Variants in CYP46A1 observed in about 807,000 individuals in gnomAD.
CYP46A1 encodes the protein cytochrome P450 family 46 subfamily A member 1.
A neutral mutation model predicts 63.3 loss-of-function variants in CYP46A1; 20 were observed. The observed-to-expected ratio is 0.32, with a 90% CI of 0.22 to 0.46. The LOEUF is 0.46. CYP46A1 is among the 20% of genes least tolerant of loss of function. The pLI is 1.00. For missense variants in CYP46A1, 445 were observed against 670.8 expected, an observed-to-expected ratio of 0.66 and a Z score of 3.72; for synonymous variants, 268 against 273.6, an observed-to-expected ratio of 0.98 and a Z score of 0.20.
Position 99,703,912 on chromosome 14 carries a change from G to T in CYP46A1, c.444-2735G>T, listed in dbSNP as rs186687712. Reference sequence around the variant, plus strand: ...AATGGGAAGGAGTAGACTGGAAAGAGACATTTATTTAAGAAATACTTATTG... The same window carrying T: ...AATGGGAAGGAGTAGACTGGAAAGATACATTTATTTAAGAAATACTTATTG... On this transcript the variant is annotated intron_variant, in intron 5 of 14. Transcript: ENST00000261835. The T allele has an allele frequency of 6.0e-5, 59 of 981,012 alleles. No individual in the cohort carries two copies. In the African/African-American group the frequency reaches 9.8e-4, roughly 16 times the overall value. 60.8% of individuals were successfully genotyped at this position (981,012 alleles called of 1,614,324 possible). A position where few individuals can be genotyped will look rare whatever the true frequency, so the allele number is the denominator to read the frequency against.
chr14:99,706,859 C>T, intron 6 of CYP46A1, 74 bp downstream of exon 6: 1 of 1,527,360 alleles, frequency 6.5e-7, no homozygotes, highest in Admixed American at 2.0e-5. Flanking sequence ...TCCCTCTTCC[C>T]TTCTCTCTTC....
intron 1 of CYP46A1, among the ~76,000 whole-genome samples, chr14:99,686,864 T>G (rs559872560): frequency 1.0e-3 from 159 of 152,294 alleles, no homozygotes; most frequent in Non-Finnish European, 1.8e-3. Context: ...TAAAAATTGG[T>G]TAGTGGTCAA....
intron 3 of CYP46A1, among the ~76,000 whole-genome samples, chr14:99,697,822 G>A (rs1030213182): frequency 6.6e-6 from 1 of 152,138 alleles, no homozygotes; most frequent in African/African-American, 2.4e-5. Context: ...CCATGGGGGT[G>A]CCTGGTTGTG....
intron 1 of CYP46A1, among the ~76,000 whole-genome samples, chr14:99,690,352 C>T (rs979139497): frequency 2.0e-5 from 3 of 152,206 alleles, no homozygotes; most frequent in Admixed American, 6.5e-5. Context: ...TCCTCTTCCC[C>T]GTACTCTGTT....
At chr14:99,703,143 CTG>C (rs2056646358) in intron 5 of CYP46A1, among the ~76,000 whole-genome samples, 1 of 152,208 alleles carries the variant, frequency 6.6e-6, no homozygotes, top group African/African-American at 2.4e-5. Context: ...GCTGTGTCCT[CTG>C]TGGGGCATTG....
intron 5 of CYP46A1, among the ~76,000 whole-genome samples, chr14:99,704,604 T>G (rs948953790): frequency 6.6e-6 from 1 of 152,238 alleles, no homozygotes; most frequent in Non-Finnish European, 1.5e-5. Context: ...AGCCCAGTTT[T>G]GTTTCTACAA....
At chr14:99,695,738 C>A (rs2056582514) in intron 3 of CYP46A1, among the ~76,000 whole-genome samples, 2 of 151,842 alleles carry the variant, frequency 1.3e-5, no homozygotes, top group South Asian at 4.2e-4. Flanking sequence ...TCAAGTGATT[C>A]TCCTGCCTCA....
Position 99,699,524 on chromosome 14 carries a change from C to T in CYP46A1, c.341C>T (p.Thr114Ile). 1 of 1,614,172 alleles carries T rather than the reference C, an allele frequency of 6.2e-7. No homozygotes were observed. The highest frequency in any genetic ancestry group is 2.2e-5 in the East Asian group (1 of 44,870). Reference protein sequence around the residue: ...KDSKMYRALQTVFGERLFGQG... With the variant: ...KDSKMYRALQIVFGERLFGQG... ...TCCAAGATGTACCGTGCGCTCCAGA[C>T]TGTGTTTGGTGAGAGGTAAGGAGGT... The change falls in exon 4 of 15, where the codon ACT (threonine) becomes ATT (isoleucine). Residue 114 changes from threonine (T) to isoleucine (I), a missense_variant. Coordinates refer to ENST00000261835, the MANE Select transcript of CYP46A1 (RefSeq NM_006668.2).
chr14:99,692,012 C>T, intron 3 of CYP46A1, 151 bp downstream of exon 3: 1 of 753,460 alleles, frequency 1.3e-6, no homozygotes, highest in East Asian at 2.7e-5. Flanking sequence ...TGGCATCTTT[C>T]CCTCTAAGCA....
At chr14:99,702,413 C>A (rs1019133954) in intron 5 of CYP46A1, among the ~76,000 whole-genome samples, 1 of 152,130 alleles carries the variant, frequency 6.6e-6, no homozygotes, top group Admixed American at 6.5e-5. Flanking sequence ...CTGCTATGAG[C>A]ATTTTTGTAC....
chr14:99,707,774 G>C (rs925462458), intron 7 of CYP46A1, 96 bp downstream of exon 7: 1 of 1,061,568 alleles, frequency 9.4e-7, no homozygotes, highest in African/African-American at 1.6e-5. Flanking sequence ...TTTTTTCCCA[G>C]AATGGGTTTT....
chr14:99,707,841 G>A (rs36018216), intron 7 of CYP46A1, 163 bp downstream of exon 7: 203,902 of 604,034 alleles, frequency 0.34, 36,662 homozygotes, highest in South Asian at 0.41. Context: ...ATTGCCTAAA[G>A]TAAAGGCTTA....
intron 7 of CYP46A1, chr14:99,708,277 G>A (rs1595195694): frequency 5.4e-6 from 1 of 183,924 alleles, no homozygotes; most frequent in East Asian, 1.8e-4. Flanking sequence ...GCCCCCACAT[G>A]CATCATCCAC....
intron 3 of CYP46A1, among the ~76,000 whole-genome samples, chr14:99,697,011 A>G (rs144568605): frequency 1.7e-3 from 255 of 152,324 alleles, no homozygotes; most frequent in African/African-American, 5.8e-3. Flanking sequence ...CCTCTGCGGA[A>G]GGTCTTGTGT....
At chr14:99,714,725 A>C (rs1274872116) in intron 7 of CYP46A1, among the ~76,000 whole-genome samples, 1 of 149,586 alleles carries the variant, frequency 6.7e-6, no homozygotes, top group Non-Finnish European at 1.5e-5. Flanking sequence ...GTGCCATTGC[A>C]CTCCAGCCTG....
rs1224079838 is a variant in CYP46A1, at chr14:99,684,453, C to T, written c.36C>T (p.Val12=). ...GGCTGCTGCTGCTCGGCAGCGCCGT[C>T]CTGCTCGCCTTCGGCCTCTGCTGCA... ...SPGLLLLGSA[V]LLAFGLCCTF... is the part of the protein sequence containing the mutation. Residue 12 remains valine (V), a synonymous_variant, in exon 1 of 15, where the codon GTC becomes GTT. Coordinates refer to ENST00000261835, the MANE Select transcript of CYP46A1 (RefSeq NM_006668.2). The T allele has an allele frequency of 6.8e-7, 1 of 1,475,464 alleles. No homozygotes were observed. Among genetic ancestry groups the T allele is most frequent in the Non-Finnish European group, 8.9e-7 (1 of 1,119,620 alleles). The allele number at this position is 1,475,464 out of a possible 1,614,324, so 91.4% of individuals were successfully genotyped here.
At chr14:99,721,189 C>A (rs114628041) in intron 10 of CYP46A1, 50 bp from the exon 11 acceptor site, 1 of 1,396,678 alleles carries the variant, frequency 7.2e-7, no homozygotes, top group Non-Finnish European at 1.0e-6. Flanking sequence ...CTAAGTAAGT[C>A]GGGGACAGGC....
At chr14:99,707,519 G>T in intron 6 of CYP46A1, 49 bp from the exon 7 acceptor site, 1 of 1,509,114 alleles carries the variant, frequency 6.6e-7, no homozygotes, top group East Asian at 2.3e-5. Context: ...CCCTGGATCT[G>T]CTGCCCTTCT....
At position 99,725,473 on chromosome 14, in the gene CYP46A1, C is replaced by A. The variant is rs539341562; in HGVS notation, c.1259C>A (p.Ala420Glu). The A allele has an allele frequency of 1.9e-6, 3 of 1,613,250 alleles. No homozygotes were observed. Among genetic ancestry groups the A allele is most frequent in the South Asian group, 2.2e-5 (2 of 91,072 alleles). The change falls in exon 13 of 15, where the codon GCA becomes GAA. Residue 420 changes from alanine to glutamate, a missense_variant. Coordinates refer to ENST00000261835, the MANE Select transcript of CYP46A1 (RefSeq NM_006668.2). This position sits in a 1 kb window ranked among gnomAD's most constrained non-coding sequence, Gnocchi z 4.2. ...TFNPDRFGPG[A>E]PKPRFTYFPF... ...AACCCCGATCGCTTCGGCCCTGGAGCACCCAAGTAAGTCCCTCCTGGAGCT... is the reference window on the plus strand; with the variant it reads ...AACCCCGATCGCTTCGGCCCTGGAGAACCCAAGTAAGTCCCTCCTGGAGCT...
Sources: allele counts gnomAD v4.1 joint callset (sites outside exome capture counted in the v4.1 genomes callset), GRCh38; gene constraint gnomAD v4.1.1; non-coding constraint Gnocchi (gnomAD v3.1); transcripts MANE v1.5; gene names NCBI Gene and HGNC (gene_info 2026-07-23, HGNC 2026-07-21).